Variants in BMP7 observed in about 807,000 individuals in gnomAD.
BMP7 encodes the protein bone morphogenetic protein 7, also known as osteogenic protein 1.
A neutral mutation model predicts 41.2 loss-of-function variants in BMP7; 12 were observed. The ratio of observed to expected loss-of-function variants is 0.29; its 90% CI spans 0.19 to 0.47. The LOEUF (loss-of-function observed/expected upper bound fraction) is 0.47. Ranked by LOEUF, BMP7 falls within the 20% of genes least tolerant of loss-of-function variation. The probability of loss-of-function intolerance (pLI) is 0.99; values close to 1 mark genes in which losing one functional copy is unlikely to be tolerated. For missense variants in BMP7, 467 were observed against 606.0 expected, an observed-to-expected ratio of 0.77 and a Z score of 2.41; for synonymous variants, 248 against 250.0, an observed-to-expected ratio of 0.99 and a Z score of 0.07.
chr20:57,245,936 C>T (rs1237584653), intron 1 of BMP7, among the ~76,000 whole-genome samples: 3 of 152,138 alleles, frequency 2.0e-5, no homozygotes, highest in Admixed American at 1.3e-4. Flanking sequence ...GCATGCCCGG[C>T]CATGGTTAGT....
intron 4 of BMP7, among the ~76,000 whole-genome samples, chr20:57,179,993 C>A (rs533189153): frequency 6.6e-6 from 1 of 152,002 alleles, no homozygotes; most frequent in Non-Finnish European, 1.5e-5. Flanking sequence ...AGTTCCTCTC[C>A]CCCTCATTAC....
Position 57,171,223 on chromosome 20 carries a change from C to T in BMP7, c.1147-115G>A. On this transcript the variant is annotated intron_variant, in intron 6 of 6. Coordinates refer to ENST00000395863, the MANE Select transcript of BMP7 (RefSeq NM_001719.3). This position sits in a 1 kb window ranked among gnomAD's most constrained non-coding sequence, Gnocchi z 4.5. Reference sequence around the variant, plus strand: ...GGGCATAATGAATGACTGCAGGTGACACTCCCCAAGCCAAGCACTCCCTGT... The same window carrying T: ...GGGCATAATGAATGACTGCAGGTGATACTCCCCAAGCCAAGCACTCCCTGT... 2 of 1,455,598 alleles carry T rather than the reference C, an allele frequency of 1.4e-6. No homozygotes were observed. The highest frequency in any genetic ancestry group is 1.7e-4 in the Middle Eastern group (1 of 5,776). 90.2% of individuals were successfully genotyped at this position (1,455,598 alleles called of 1,614,324 possible).
At chr20:57,256,180 C>T (rs1480838661) in intron 1 of BMP7, among the ~76,000 whole-genome samples, 1 of 152,214 alleles carries the variant, frequency 6.6e-6, no homozygotes, top group Non-Finnish European at 1.5e-5. Flanking sequence ...GAGGAACCCA[C>T]TGGGAGTCAG....
intron 1 of BMP7, among the ~76,000 whole-genome samples, chr20:57,249,160 A>G (rs935271198): frequency 6.6e-6 from 1 of 152,086 alleles, no homozygotes; most frequent in Non-Finnish European, 1.5e-5. Flanking sequence ...GGTAGTGGCC[A>G]TTAGGATGTG....
In BMP7 at chr20:57,183,801, G is replaced by T; in HGVS notation, c.879C>A (p.Ser293=). The T allele has an allele frequency of 6.2e-7, 1 of 1,614,196 alleles. No individual in the cohort carries two copies. The highest frequency in any genetic ancestry group is 8.5e-7 in the Non-Finnish European group (1 of 1,180,054). Residue 293 remains serine, a synonymous_variant, in exon 4 of 7, where the codon TCC becomes TCA. Transcript: ENST00000395863. ...ATEVHFRSIR[S]TGSKQRSQNR... ...TCTGGCTGCGCTGTTTGCTCCCCGTGGACCGGATGCTGCGGAAGTGGACCT... is the reference window on the plus strand; with the variant it reads ...TCTGGCTGCGCTGTTTGCTCCCCGTTGACCGGATGCTGCGGAAGTGGACCT...
intron 1 of BMP7, among the ~76,000 whole-genome samples, chr20:57,250,789 ACT>A (rs972648800): frequency 3.9e-5 from 6 of 152,022 alleles, no homozygotes; most frequent in African/African-American, 1.4e-4. Context: ...TCTCCTTAAA[ACT>A]CTGCACCAAT....
intron 1 of BMP7, among the ~76,000 whole-genome samples, chr20:57,245,346 T>A (rs2066085986): frequency 6.6e-6 from 1 of 152,132 alleles, no homozygotes; most frequent in African/African-American, 2.4e-5. Context: ...TGTTTTTTTT[T>A]AATTTTTATT....
chr20:57,254,701 C>T (rs2146029300), intron 1 of BMP7, among the ~76,000 whole-genome samples: 1 of 151,802 alleles, frequency 6.6e-6, no homozygotes, highest in East Asian at 1.9e-4. Flanking sequence ...GCTGGGGCGA[C>T]TATTCCATAT....
In BMP7 at chr20:57,168,953, G is replaced by A. The variant is rs1406470258; in HGVS notation, c.*2006C>T. 6.6e-6 allele frequency: 1 copy of A among 151,550 alleles called. No homozygotes were observed. Among genetic ancestry groups the A allele is most frequent in the African/African-American group, 2.4e-5 (1 of 41,096 alleles). The allele number at this position is 151,550 out of a possible 1,614,324, so 9.4% of individuals were successfully genotyped here. A position where few individuals can be genotyped will look rare whatever the true frequency, so the allele number is the denominator to read the frequency against. ...CCTGAACGAGGGATTAAAGGGGGGGGGGTGTTCAAAAGAGCTTTGGATGGA... is the reference window on the plus strand; with the variant it reads ...CCTGAACGAGGGATTAAAGGGGGGGAGGTGTTCAAAAGAGCTTTGGATGGA... On this transcript the variant is annotated 3_prime_UTR_variant, in exon 7 of 7. Coordinates refer to ENST00000395863, the MANE Select transcript of BMP7 (RefSeq NM_001719.3).
chr20:57,256,654 G>A (rs1191210241), intron 1 of BMP7, among the ~76,000 whole-genome samples: 3 of 152,230 alleles, frequency 2.0e-5, no homozygotes, highest in African/African-American at 7.2e-5. Context: ...GATAAAACCT[G>A]AGGTCAGGAG....
chr20:57,211,051 G>A (rs934648445), intron 2 of BMP7, among the ~76,000 whole-genome samples: 32 of 152,150 alleles, frequency 2.1e-4, no homozygotes, highest in Non-Finnish European at 2.9e-4. Flanking sequence ...GGGAGCAGGC[G>A]CAAGCCAGGG....
Position 57,183,837 on chromosome 20 carries a change from G to C in BMP7, c.843C>G (p.Phe281Leu). ...TGCGGAAGTGGACCTCCGTGGCCTT[G>C]AAGAAAGCCACCATGAAGGGCTGCT... ...QNKQPFMVAF[F>L]KATEVHFRSI... is the part of the protein sequence containing the mutation. Residue 281 changes from phenylalanine (F) to leucine (L), a missense_variant, in exon 4 of 7, where the codon TTC becomes TTG. Physicochemically the swap from Phe to Leu is conservative, Grantham distance 22 (BLOSUM62 0). Transcript: ENST00000395863. 1 of 1,614,178 alleles carries C rather than the reference G, an allele frequency of 6.2e-7. No homozygotes were observed. The highest frequency in any genetic ancestry group is 1.1e-5 in the South Asian group (1 of 91,088).
At chr20:57,202,360 G>T in intron 3 of BMP7, 115 bp downstream of exon 3, 5 of 1,398,356 alleles carry the variant, frequency 3.6e-6, no homozygotes, top group Non-Finnish European at 4.9e-6. Context: ...TGGAGTACTG[G>T]TTGGGAGGGG....
chr20:57,205,447 T>C (rs1984709179), intron 2 of BMP7, among the ~76,000 whole-genome samples: 1 of 152,202 alleles, frequency 6.6e-6, no homozygotes, highest in African/African-American at 2.4e-5. Flanking sequence ...ATGACTTTCC[T>C]GGCTTTGAAA....
intron 2 of BMP7, among the ~76,000 whole-genome samples, chr20:57,223,848 A>T (rs1008249344): frequency 1.3e-5 from 2 of 152,122 alleles, no homozygotes; most frequent in African/African-American, 4.8e-5. Context: ...GAGTCTTGCT[A>T]CCAAGTCATG....
intron 1 of BMP7, among the ~76,000 whole-genome samples, chr20:57,256,426 T>A (rs1422431098): frequency 6.6e-6 from 1 of 152,226 alleles, no homozygotes; most frequent in Non-Finnish European, 1.5e-5. Flanking sequence ...CGCTCTCTGG[T>A]GCTTTGCCTT....
chr20:57,207,819 T>G (rs983048963), intron 2 of BMP7, among the ~76,000 whole-genome samples: 44,240 of 112,402 alleles, frequency 0.39, 9,917 homozygotes, highest in South Asian at 0.55. Context: ...TGGTTTTTTT[T>G]TTTTTTTTTT....
intron 2 of BMP7, among the ~76,000 whole-genome samples, chr20:57,219,442 G>A (rs1396099304): frequency 6.6e-6 from 1 of 152,050 alleles, no homozygotes; most frequent in Admixed American, 6.5e-5. Context: ...CCTAGTTAGA[G>A]GCCCTTTTAA....
At chr20:57,190,649 G>C (rs1441051171) in intron 3 of BMP7, among the ~76,000 whole-genome samples, 3 of 152,076 alleles carry the variant, frequency 2.0e-5, no homozygotes, top group African/African-American at 7.3e-5. Context: ...GGCTGGGAGA[G>C]AGAGTGGTGG....
Sources: allele counts gnomAD v4.1 joint callset (sites outside exome capture counted in the v4.1 genomes callset), GRCh38; gene constraint gnomAD v4.1.1; non-coding constraint Gnocchi (gnomAD v3.1); transcripts MANE v1.5; gene names NCBI Gene and HGNC (gene_info 2026-07-23, HGNC 2026-07-21).